Variants in PPARGC1A observed in about 807,000 individuals in gnomAD.
PPARGC1A encodes the protein PPARG coactivator 1 alpha, also known as peroxisome proliferator-activated receptor gamma coactivator 1-alpha.
Under a neutral mutation model 88.7 loss-of-function variants are expected in PPARGC1A, and 25 were observed. That is an observed-to-expected ratio of 0.28 (90% CI 0.21 to 0.39). The LOEUF (loss-of-function observed/expected upper bound fraction) is 0.39. PPARGC1A is among the 10% of genes least tolerant of loss of function. The pLI is 1.00. For missense variants in PPARGC1A, 880 were observed against 968.7 expected (o/e 0.91, Z 1.22); for synonymous variants, 363 against 355.6 (o/e 1.02, Z -0.24).
the PPARGC1A span, among the ~76,000 whole-genome samples, chr4:23,958,128 G>C: frequency 1.3e-5 from 2 of 152,092 alleles, no homozygotes; most frequent in African/African-American, 4.8e-5. Context: ...TTGCTTGGCT[G>C]TATGTAATAA....
At chr4:24,209,929 A>G in the PPARGC1A span, among the ~76,000 whole-genome samples, 1 of 152,246 alleles carries the variant, frequency 6.6e-6, no homozygotes, top group Non-Finnish European at 1.5e-5. Flanking sequence ...TTTAAACTCA[A>G]GGAGATCTAA....
chr4:24,225,937 A>C, the PPARGC1A span, among the ~76,000 whole-genome samples: 1 of 152,270 alleles, frequency 6.6e-6, no homozygotes, highest in African/African-American at 2.4e-5. Flanking sequence ...GAAAGGAGAG[A>C]GTCAGAAAGA....
chr4:24,377,209 T>C, the PPARGC1A span, among the ~76,000 whole-genome samples: 1 of 152,042 alleles, frequency 6.6e-6, no homozygotes, highest in Non-Finnish European at 1.5e-5. Context: ...GAAAGATTTC[T>C]AGAACAACAT....
chr4:24,151,791 A>T, the PPARGC1A span, among the ~76,000 whole-genome samples: 1 of 152,184 alleles, frequency 6.6e-6, no homozygotes, highest in South Asian at 2.1e-4. Context: ...AGAGGTCACA[A>T]TCTCAACTTA....
chr4:24,039,870 G>A, the PPARGC1A span, among the ~76,000 whole-genome samples: 1 of 152,042 alleles, frequency 6.6e-6, no homozygotes, highest in Non-Finnish European at 1.5e-5. Flanking sequence ...CCATCAACAT[G>A]ATCATCATCA....
At chr4:23,942,326 T>C in the PPARGC1A span, among the ~76,000 whole-genome samples, 52,277 of 151,980 alleles carry the variant, frequency 0.34, 9,400 homozygotes, top group Middle Eastern at 0.45. Flanking sequence ...TTAGTATCAA[T>C]ATTTAGATTT....
the PPARGC1A span, among the ~76,000 whole-genome samples, chr4:24,141,320 T>G: frequency 1.3e-5 from 2 of 152,206 alleles, no homozygotes; most frequent in Non-Finnish European, 2.9e-5. Context: ...GCCCACCCCT[T>G]AGGGAACTCA....
At chr4:23,997,293 A>G in the PPARGC1A span, among the ~76,000 whole-genome samples, 2 of 152,152 alleles carry the variant, frequency 1.3e-5, no homozygotes, top group African/African-American at 4.8e-5. Context: ...ACGTCTATCT[A>G]TGGACAGAAT....
chr4:24,356,838 A>G, the PPARGC1A span, among the ~76,000 whole-genome samples: 1 of 152,198 alleles, frequency 6.6e-6, no homozygotes, highest in African/African-American at 2.4e-5. Context: ...GAGAAAACTG[A>G]GATTTAGATT....
the PPARGC1A span, among the ~76,000 whole-genome samples, chr4:24,247,806 G>T: frequency 6.6e-6 from 1 of 152,234 alleles, no homozygotes; most frequent in East Asian, 1.9e-4. Context: ...GCCCACAAAT[G>T]AAGAGATTTG....
At chr4:23,873,214 A>AAAAG (rs1324291868) in intron 2 of PPARGC1A, among the ~76,000 whole-genome samples, 1 of 145,748 alleles carries the variant, frequency 6.9e-6, no homozygotes, top group South Asian at 2.2e-4. Context: ...AAAAAATAAA[A>AAAAG]AATAAAAAAT....
Position 23,829,478 on chromosome 4 carries a change from G to T in PPARGC1A, c.537C>A (p.Asn179Lys). 1.2e-6 allele frequency: 2 copies of T among 1,613,468 alleles called. No homozygotes were observed. The highest frequency in any genetic ancestry group is 1.7e-6 in the Non-Finnish European group (2 of 1,179,524). ...HANHNHRIRT[N>K]PAIVKTENSW... is the part of the protein sequence containing the mutation. Reference sequence around the variant, plus strand: ...ACATTTGTACCTTAACAATTGCAGGGTTTGTTCTGATCCTGTGATTGTGAT... The same window carrying T: ...ACATTTGTACCTTAACAATTGCAGGTTTTGTTCTGATCCTGTGATTGTGAT... Residue 179 changes from asparagine to lysine, a missense_variant, in exon 4 of 13, where the codon AAC becomes AAA. Transcript: ENST00000264867.
chr4:24,369,127 A>G, the PPARGC1A span, among the ~76,000 whole-genome samples: 1 of 152,200 alleles, frequency 6.6e-6, no homozygotes, highest in South Asian at 2.1e-4. Context: ...TGAGATCAGC[A>G]TTACTGGAGA....
At chr4:24,174,722 C>G in the PPARGC1A span, among the ~76,000 whole-genome samples, 1 of 152,116 alleles carries the variant, frequency 6.6e-6, no homozygotes, top group African/African-American at 2.4e-5. Context: ...GGCATTTTTC[C>G]ATGATCTCAT....
At chr4:24,088,513 C>A in the PPARGC1A span, among the ~76,000 whole-genome samples, 1 of 152,252 alleles carries the variant, frequency 6.6e-6, no homozygotes, top group South Asian at 2.1e-4. Flanking sequence ...GGGTCCATAT[C>A]CCCATTGTGA....
At chr4:24,437,225 T>C in the PPARGC1A span, among the ~76,000 whole-genome samples, 2 of 152,230 alleles carry the variant, frequency 1.3e-5, no homozygotes, top group African/African-American at 4.8e-5. Flanking sequence ...GGACCACCTC[T>C]AGCCCTGTGT....
the PPARGC1A span, among the ~76,000 whole-genome samples, chr4:24,246,100 C>T: frequency 9.1e-4 from 138 of 152,112 alleles, 1 homozygote; most frequent in Non-Finnish European, 1.1e-3. Flanking sequence ...ATGGATAATT[C>T]TAATGTAATC....
chr4:23,974,745 G>T, the PPARGC1A span, among the ~76,000 whole-genome samples: 2 of 146,566 alleles, frequency 1.4e-5, no homozygotes, highest in East Asian at 2.0e-4. Flanking sequence ...CCATTCTCCC[G>T]CCTCGGCCTC....
chr4:24,340,527 G>A, the PPARGC1A span, among the ~76,000 whole-genome samples: 1 of 152,014 alleles, frequency 6.6e-6, no homozygotes, highest in Non-Finnish European at 1.5e-5. Context: ...CACAGCATAA[G>A]AGACCATAAA....
Sources: gnomAD v4.1 joint callset for allele counts (sites outside exome capture counted in the v4.1 genomes callset) on GRCh38, gnomAD v4.1.1 for gene constraint, MANE v1.5 for transcripts, NCBI Gene and HGNC (gene_info 2026-07-23, HGNC 2026-07-21) for gene names.